Variants in NYAP2 observed in about 807,000 individuals in gnomAD.
NYAP2 encodes neuronal tyrosine-phosphorylated phosphoinositide-3-kinase adapter 2.
A neutral mutation model predicts 50.4 loss-of-function variants in NYAP2; 23 were observed. The ratio of observed to expected loss-of-function variants is 0.46; its 90% CI spans 0.33 to 0.65. The LOEUF is 0.65. Among genes scored for constraint, NYAP2 ranks in the 30% least tolerant of loss-of-function variants. NYAP2 has a pLI of 0.02. For synonymous variants in NYAP2, 394 were observed against 365.2 expected, an observed-to-expected ratio of 1.08 and a Z score of -0.90; for missense variants, 885 against 861.0, an observed-to-expected ratio of 1.03 and a Z score of -0.35.
chr2:225,449,187 C>T (rs6713128), intron 3 of NYAP2, among the ~76,000 whole-genome samples: 1,742 of 152,250 alleles, frequency 0.011, 36 homozygotes, highest in African/African-American at 0.04. Context: ...TTCAAAGCTT[C>T]GCAGCATAAT....
chr2:225,446,737 G>A (rs1689570969), intron 3 of NYAP2, among the ~76,000 whole-genome samples: 1 of 152,054 alleles, frequency 6.6e-6, no homozygotes, highest in South Asian at 2.1e-4. Context: ...TTCCTAAGTA[G>A]TAAAACAGTC....
At chr2:225,664,628 G>T in the NYAP2 span, among the ~76,000 whole-genome samples, 1 of 152,122 alleles carries the variant, frequency 6.6e-6, no homozygotes, top group Non-Finnish European at 1.5e-5. Flanking sequence ...CAGCACTTTG[G>T]GAGGCAGAGG....
At chr2:225,555,473 T>C (rs1350562091) in intron 4 of NYAP2, among the ~76,000 whole-genome samples, 3 of 152,172 alleles carry the variant, frequency 2.0e-5, no homozygotes, top group Non-Finnish European at 4.4e-5. Flanking sequence ...CTCAGGTTAA[T>C]ACATTAGAAG....
chr2:225,599,826 C>T (rs1692665644), intron 5 of NYAP2, among the ~76,000 whole-genome samples: 1 of 152,104 alleles, frequency 6.6e-6, no homozygotes. Flanking sequence ...TTACACCAAC[C>T]CTGCAACTCA....
At chr2:225,507,471 G>C (rs1377787178) in intron 3 of NYAP2, among the ~76,000 whole-genome samples, 3 of 152,188 alleles carry the variant, frequency 2.0e-5, no homozygotes, top group African/African-American at 4.8e-5. Flanking sequence ...GTTTTGAAGT[G>C]CTTGTTTTGT....
intron 6 of NYAP2, 116 bp from the exon 7 acceptor site, chr2:225,651,316 G>C: frequency 7.3e-7 from 1 of 1,364,840 alleles, no homozygotes; most frequent in Non-Finnish European, 1.0e-6. Flanking sequence ...GCAAACATCA[G>C]GAGCATTTTG....
chr2:225,522,134 T>A (rs958811892), intron 4 of NYAP2, among the ~76,000 whole-genome samples: 2 of 152,130 alleles, frequency 1.3e-5, no homozygotes, highest in African/African-American at 2.4e-5. Context: ...CCTTTATCAT[T>A]TTTTATTGCA....
chr2:225,447,320 G>A (rs1689578775), intron 3 of NYAP2, among the ~76,000 whole-genome samples: 1 of 152,018 alleles, frequency 6.6e-6, no homozygotes, highest in Admixed American at 6.6e-5. Context: ...TAAATACATA[G>A]AGGTTTTTGT....
intron 3 of NYAP2, among the ~76,000 whole-genome samples, chr2:225,468,332 GC>G (rs1351053257): frequency 6.6e-6 from 1 of 152,162 alleles, no homozygotes; most frequent in African/African-American, 2.4e-5. Flanking sequence ...GCCCAGGAAT[GC>G]CAAGAATTGG....
At chr2:225,442,340 T>G (rs1689484687) in intron 3 of NYAP2, among the ~76,000 whole-genome samples, 1 of 152,186 alleles carries the variant, frequency 6.6e-6, no homozygotes, top group Non-Finnish European at 1.5e-5. Context: ...TAGAAAAGAA[T>G]AATCAGCTTA....
chr2:225,415,839 A>G (rs1357465250), intron 3 of NYAP2, among the ~76,000 whole-genome samples: 1 of 152,150 alleles, frequency 6.6e-6, no homozygotes, highest in East Asian at 1.9e-4. Context: ...CTCTACAGGT[A>G]GCACAGAAAT....
intron 3 of NYAP2, among the ~76,000 whole-genome samples, chr2:225,460,855 TGGTGGCAG>T (rs925282291): frequency 5.9e-5 from 9 of 152,040 alleles, no homozygotes; most frequent in Non-Finnish European, 1.2e-4. Flanking sequence ...TAGCCGGGCA[TGGTGGCAG>T]GCACCTGTAG....
chr2:225,530,879 C>CCAATT (rs1691242672), intron 4 of NYAP2, among the ~76,000 whole-genome samples: 4 of 152,154 alleles, frequency 2.6e-5, no homozygotes. Context: ...TCAAGTCCAG[C>CCAATT]CAATTCTGCT....
chr2:225,398,517 G>A (rs1048155305), upstream of NYAP2, among the ~76,000 whole-genome samples: 2 of 151,760 alleles, frequency 1.3e-5, no homozygotes, highest in African/African-American at 4.8e-5. Context: ...CAAAATAATG[G>A]CACATTAGTA....
At chr2:225,441,186 A>T (rs913753127) in intron 3 of NYAP2, among the ~76,000 whole-genome samples, 2 of 152,248 alleles carry the variant, frequency 1.3e-5, no homozygotes, top group African/African-American at 4.8e-5. Flanking sequence ...TCTGCAGATC[A>T]GTGAATCCCT....
chr2:225,638,802 C>T (rs774662961), intron 6 of NYAP2, among the ~76,000 whole-genome samples: 39 of 152,180 alleles, frequency 2.6e-4, no homozygotes, highest in Admixed American at 3.9e-4. Flanking sequence ...CTCTCCTGCT[C>T]TCTCCTGTTT....
intron 3 of NYAP2, among the ~76,000 whole-genome samples, chr2:225,454,818 C>T (rs1319951957): frequency 1.3e-5 from 2 of 152,050 alleles, no homozygotes; most frequent in Non-Finnish European, 1.5e-5. Flanking sequence ...CGAAACCAGT[C>T]CCTGGTGCCA....
chr2:225,431,634 A>ACT (rs1209218399), intron 3 of NYAP2, among the ~76,000 whole-genome samples: 3 of 150,082 alleles, frequency 2.0e-5, no homozygotes, highest in South Asian at 2.1e-4. Flanking sequence ...CTTCCTCTGA[A>ACT]CTCTCTCTCT....
chr2:225,445,925 A>G (rs1689546290), intron 3 of NYAP2, among the ~76,000 whole-genome samples: 1 of 152,132 alleles, frequency 6.6e-6, no homozygotes, highest in African/African-American at 2.4e-5. Context: ...ATATTGGGCT[A>G]TATCACCTTT....
Sources: gnomAD v4.1 joint callset for allele counts (sites outside exome capture counted in the v4.1 genomes callset) on GRCh38, gnomAD v4.1.1 for gene constraint, MANE v1.5 for transcripts, NCBI Gene and HGNC (gene_info 2026-07-23, HGNC 2026-07-21) for gene names.